Variants in ADAMTS19 observed in about 807,000 individuals in gnomAD.
The protein encoded by ADAMTS19 is A disintegrin and metalloproteinase with thrombospondin motifs 19.
In ADAMTS19, 93 loss-of-function variants were observed where a neutral mutation model predicts 153.3. That is an observed-to-expected ratio of 0.61 (90% CI 0.51 to 0.72). The LOEUF is 0.72. Ranked by LOEUF, ADAMTS19 falls within the 30% of genes least tolerant of loss-of-function variation. The pLI, the probability that ADAMTS19 is intolerant of heterozygous loss-of-function variation, is 0.00. For synonymous variants in ADAMTS19, 600 were observed against 556.6 expected, an observed-to-expected ratio of 1.08 and a Z score of -1.10; for missense variants, 1,482 against 1,552.1, an observed-to-expected ratio of 0.95 and a Z score of 0.76.
In ADAMTS19 at chr5:129,701,475, C is replaced by A; in HGVS notation, c.3042C>A (p.Ser1014Arg). The A allele has an allele frequency of 6.2e-7, 1 of 1,614,156 alleles. No individual in the cohort carries two copies. The highest frequency in any genetic ancestry group is 8.5e-7 in the Non-Finnish European group (1 of 1,180,036). Residue 1014 changes from serine to arginine, a missense_variant, in exon 20 of 23, where the codon AGC becomes AGA. Ser to Arg is a moderately radical substitution (Grantham distance 110). Around this residue, in one of 2 missense-constraint regions of ADAMTS19, gnomAD observed 616 missense variants for 724.4 expected, o/e 0.85. Transcript: ENST00000274487. The part of the protein sequence containing the change: ...SRQVACTQQL[S>R]NGTLIRARER... The stretch of plus-strand genomic sequence containing the variant: ...AAGTGGCCTGTACCCAACAACTGAG[C>A]AATGGAACACTGATTAGAGCCCGAG...
intron 18 of ADAMTS19, among the ~76,000 whole-genome samples, chr5:129,686,064 G>T (rs1166955967): frequency 6.6e-6 from 1 of 152,166 alleles, no homozygotes; most frequent in Non-Finnish European, 1.5e-5. Flanking sequence ...AATGAAATGG[G>T]TATGTGTATT....
intron 21 of ADAMTS19, among the ~76,000 whole-genome samples, chr5:129,729,559 A>C (rs1407279867): frequency 6.6e-6 from 1 of 151,970 alleles, no homozygotes; most frequent in Non-Finnish European, 1.5e-5. Flanking sequence ...TAGTTTCTCA[A>C]GCAGAAAATT....
At position 129,686,039 on chromosome 5, in the gene ADAMTS19, A is replaced by G. The variant is rs116290557; in HGVS notation, c.2818+1766A>G. Among the ~76,000 whole-genome samples, 631 of 152,338 alleles carry G rather than the reference A, an allele frequency of 4.1e-3. 5 individuals carry two copies. The highest frequency in any genetic ancestry group is 0.015 in the African/African-American group (609 of 41,586). ...TTTTGAAAAGAGAAAATGTGAATCA[A>G]TCACTTAGATAATGAATGAAATGGG... is the stretch of plus-strand genomic sequence containing the variant. On this transcript the variant is annotated intron_variant, in intron 18 of 22. Transcript: ENST00000274487.
At chr5:129,667,112 C>G (rs1754087505) in intron 16 of ADAMTS19, among the ~76,000 whole-genome samples, 1 of 152,120 alleles carries the variant, frequency 6.6e-6, no homozygotes, top group Admixed American at 6.6e-5. Flanking sequence ...TCCATGTTGA[C>G]AAATCCAATG....
At chr5:129,513,275 T>C (rs1052012003) in intron 3 of ADAMTS19, among the ~76,000 whole-genome samples, 1 of 152,092 alleles carries the variant, frequency 6.6e-6, no homozygotes, top group South Asian at 2.1e-4. Flanking sequence ...CTCATGATGC[T>C]GTCTACCTCC....
intron 2 of ADAMTS19, among the ~76,000 whole-genome samples, chr5:129,471,896 G>A (rs1367114135): frequency 2.0e-5 from 3 of 152,100 alleles, no homozygotes; most frequent in Non-Finnish European, 2.9e-5. Context: ...CATTCTTTTA[G>A]GGCTGCACAG....
intron 7 of ADAMTS19, among the ~76,000 whole-genome samples, chr5:129,567,832 A>C (rs1753768169): frequency 6.6e-6 from 1 of 152,100 alleles, no homozygotes; most frequent in Non-Finnish European, 1.5e-5. Flanking sequence ...GCAACTCCAC[A>C]CAAGAAATAC....
chr5:129,483,733 G>C (rs1750496637), intron 2 of ADAMTS19, among the ~76,000 whole-genome samples: 1 of 152,184 alleles, frequency 6.6e-6, no homozygotes, highest in African/African-American at 2.4e-5. Flanking sequence ...GTTGTGCATG[G>C]TTGTGGCCAT....
chr5:129,706,870 C>A (rs1287305813), intron 21 of ADAMTS19, among the ~76,000 whole-genome samples: 1 of 152,006 alleles, frequency 6.6e-6, no homozygotes, highest in East Asian at 1.9e-4. Flanking sequence ...GTTTTTTATG[C>A]TAAACTAAAA....
intron 9 of ADAMTS19, among the ~76,000 whole-genome samples, 161 bp downstream of exon 9, chr5:129,620,919 G>T (rs1306681251): frequency 6.6e-6 from 1 of 152,050 alleles, no homozygotes; most frequent in Non-Finnish European, 1.5e-5. Flanking sequence ...GGTGTAGTTT[G>T]GGACATGTTA....
chr5:129,610,703 G>A (rs942365031), intron 8 of ADAMTS19, among the ~76,000 whole-genome samples: 1 of 152,188 alleles, frequency 6.6e-6, no homozygotes, highest in East Asian at 1.9e-4. Context: ...TGGACATTTG[G>A]GTTGGTTCCA....
At position 129,461,551 on chromosome 5, in the gene ADAMTS19, G is replaced by C. The variant is rs1749663305; in HGVS notation, c.541G>C (p.Asp181His). ...VLLRIPAFSRDLYLLLRRDGR... is the reference protein window; with the variant it reads ...VLLRIPAFSRHLYLLLRRDGR... Reference sequence around the variant, plus strand: ...GCTGCGGATCCCGGCCTTCTCTCGGGACCTGTACCTGCTGCTCCGGAGAGA... The same window carrying C: ...GCTGCGGATCCCGGCCTTCTCTCGGCACCTGTACCTGCTGCTCCGGAGAGA... Residue 181 changes from aspartate to histidine, a missense_variant, in exon 2 of 23, where the codon GAC (aspartate) becomes CAC (histidine). Asp to His is a moderately conservative substitution (Grantham distance 81, BLOSUM62 -1). Transcript: ENST00000274487. This position sits in a 1 kb window ranked among gnomAD's most constrained non-coding sequence, Gnocchi z 4.6. The C allele has an allele frequency of 1.9e-6, 3 of 1,542,978 alleles. No individual in the cohort carries two copies. The highest frequency in any genetic ancestry group is 2.6e-6 in the Non-Finnish European group (3 of 1,151,050).
intron 15 of ADAMTS19, among the ~76,000 whole-genome samples, chr5:129,660,111 G>A (rs542049366): frequency 1.3e-5 from 2 of 152,268 alleles, no homozygotes; most frequent in African/African-American, 4.8e-5. Context: ...AAGTATGAAT[G>A]TAAATTGTTT....
chr5:129,503,682 T>C (rs1208346141), intron 2 of ADAMTS19, among the ~76,000 whole-genome samples: 1 of 151,606 alleles, frequency 6.6e-6, no homozygotes, highest in Non-Finnish European at 1.5e-5. Context: ...CTACTAAAAA[T>C]ATGTGGGTGG....
rs1269062522 is a variant in ADAMTS19 at position 129,647,896 on chromosome 5, G to A, written c.2003+1G>A. On this transcript the variant is annotated splice_donor_variant, in intron 12 of 22. Coordinates refer to ENST00000274487, the MANE Select transcript of ADAMTS19 (RefSeq NM_133638.6). LOFTEE classifies it high-confidence loss of function. Reference sequence around the variant, plus strand: ...GCAGTCGAGAGCGCAAATGTCCTGGGTAAACTCAAAGTTCCTGGTTGGGGG... The same window carrying A: ...GCAGTCGAGAGCGCAAATGTCCTGGATAAACTCAAAGTTCCTGGTTGGGGG... 1.2e-6 allele frequency: 2 copies of A among 1,609,654 alleles called. No individual in the cohort carries two copies. Among genetic ancestry groups the A allele is most frequent in the Non-Finnish European group, 1.7e-6 (2 of 1,177,004 alleles).
At chr5:129,463,029 G>T (rs548648065) in intron 2 of ADAMTS19, among the ~76,000 whole-genome samples, 1 of 152,048 alleles carries the variant, frequency 6.6e-6, no homozygotes, top group Non-Finnish European at 1.5e-5. Flanking sequence ...ATTCAAATAC[G>T]GGCATTTTTA....
intron 2 of ADAMTS19, among the ~76,000 whole-genome samples, chr5:129,467,042 C>T (rs922621640): frequency 2.0e-5 from 3 of 152,084 alleles, no homozygotes; most frequent in Non-Finnish European, 2.9e-5. Flanking sequence ...GAAACAAAAA[C>T]GTATTTTGCA....
chr5:129,498,151 T>C (rs946043217), intron 2 of ADAMTS19, among the ~76,000 whole-genome samples: 5 of 152,116 alleles, frequency 3.3e-5, no homozygotes, highest in Non-Finnish European at 7.4e-5. Context: ...GGCTTGTATG[T>C]AGGTTTTCCT....
At chr5:129,712,884 T>C (rs1246262106) in intron 21 of ADAMTS19, among the ~76,000 whole-genome samples, 1 of 152,184 alleles carries the variant, frequency 6.6e-6, no homozygotes, top group African/African-American at 2.4e-5. Flanking sequence ...TAAGTATAAA[T>C]GCAAATATAA....
Sources: allele counts gnomAD v4.1 joint callset (sites outside exome capture counted in the v4.1 genomes callset), GRCh38; gene constraint gnomAD v4.1.1; regional missense constraint gnomAD v4.1.1; non-coding constraint Gnocchi (gnomAD v3.1); transcripts MANE v1.5; gene names NCBI Gene and HGNC (gene_info 2026-07-23, HGNC 2026-07-21).